GRIA1: variants seen among roughly 807,000 people sequenced by gnomAD.
The protein encoded by GRIA1 is glutamate receptor 1.
GRIA1 carries 31 observed loss-of-function variants against 99.2 expected under a neutral mutation model. The observed-to-expected ratio is 0.31, with a 90% CI of 0.23 to 0.42. The LOEUF is 0.42. GRIA1 is among the 10% of genes least tolerant of loss of function. The pLI is 1.00. For missense variants in GRIA1, 782 were observed against 1,157.5 expected, an observed-to-expected ratio of 0.68 and a Z score of 4.71; for synonymous variants, 438 against 432.4, an observed-to-expected ratio of 1.01 and a Z score of -0.16.
intron 13 of GRIA1, among the ~76,000 whole-genome samples, chr5:153,787,452 C>G (rs1366802150): frequency 6.6e-6 from 1 of 152,054 alleles, no homozygotes; most frequent in Non-Finnish European, 1.5e-5. Context: ...CCATCATCTC[C>G]CTTATGCTGA....
intron 2 of GRIA1, among the ~76,000 whole-genome samples, chr5:153,605,248 C>T (rs888753823): frequency 2.6e-5 from 4 of 151,890 alleles, no homozygotes; most frequent in African/African-American, 9.7e-5. Flanking sequence ...TTTCAATAAG[C>T]ATCCAGTATG....
At chr5:153,790,262 G>A (rs1384084260) in intron 13 of GRIA1, among the ~76,000 whole-genome samples, 2 of 152,188 alleles carry the variant, frequency 1.3e-5, no homozygotes, top group African/African-American at 4.8e-5. Context: ...TTTAGTCTTT[G>A]AGGTTCATCC....
At chr5:153,649,611 C>T (rs1443164945) in intron 3 of GRIA1, among the ~76,000 whole-genome samples, 2 of 152,054 alleles carry the variant, frequency 1.3e-5, no homozygotes, top group Non-Finnish European at 2.9e-5. Context: ...GTACCTGCCA[C>T]CATGCCTGGC....
In GRIA1 at chr5:153,490,877, G is replaced by A; in HGVS notation, c.-12G>A. 3.1e-6 allele frequency: 5 copies of A among 1,610,614 alleles called. No homozygotes were observed. Among genetic ancestry groups the A allele is most frequent in the Non-Finnish European group, 4.2e-6 (5 of 1,176,808 alleles). On this transcript the variant is annotated 5_prime_UTR_variant, in exon 1 of 16. It removes an upstream start codon present in the reference 5' UTR. Coordinates refer to ENST00000285900, the MANE Select transcript of GRIA1 (RefSeq NM_000827.4). ...GGACCTGGGCTTCTTTTTCGCCAAT[G>A]CAAAAAGGAATATGCAGCACATTTT...
At chr5:153,543,264 T>C (rs1156311205) in intron 2 of GRIA1, among the ~76,000 whole-genome samples, 2 of 152,100 alleles carry the variant, frequency 1.3e-5, no homozygotes, top group Non-Finnish European at 2.9e-5. Flanking sequence ...GTGGCAGTTG[T>C]GGTGGTGGTG....
chr5:153,660,718 T>C (rs1166929827), intron 5 of GRIA1, among the ~76,000 whole-genome samples: 1 of 152,208 alleles, frequency 6.6e-6, no homozygotes, highest in Non-Finnish European at 1.5e-5. Context: ...AAGCATTCAC[T>C]TGTTAGTGCC....
intron 2 of GRIA1, among the ~76,000 whole-genome samples, chr5:153,597,962 T>C (rs1463835693): frequency 6.6e-6 from 1 of 152,102 alleles, no homozygotes; most frequent in Non-Finnish European, 1.5e-5. Context: ...CAGTAAGCCA[T>C]GTTCATGCCA....
intron 13 of GRIA1, among the ~76,000 whole-genome samples, chr5:153,773,935 G>A (rs1764046828): frequency 6.6e-6 from 1 of 152,056 alleles, no homozygotes; most frequent in African/African-American, 2.4e-5. Flanking sequence ...TACCCTTAAT[G>A]GGATTCTGCT....
At chr5:153,627,241 T>C (rs1767716063) in intron 2 of GRIA1, among the ~76,000 whole-genome samples, 1 of 152,184 alleles carries the variant, frequency 6.6e-6, no homozygotes, top group African/African-American at 2.4e-5. Context: ...AAAAACACGT[T>C]TTACATGCAT....
intron 2 of GRIA1, among the ~76,000 whole-genome samples, chr5:153,645,411 C>T (rs1250655333): frequency 6.6e-6 from 1 of 152,118 alleles, no homozygotes; most frequent in Non-Finnish European, 1.5e-5. Flanking sequence ...CAATTAGGTA[C>T]CACTGGTTAA....
intron 2 of GRIA1, among the ~76,000 whole-genome samples, chr5:153,622,735 A>G (rs1326309006): frequency 6.6e-6 from 1 of 152,174 alleles, no homozygotes; most frequent in Non-Finnish European, 1.5e-5. Flanking sequence ...TTAATGGCTA[A>G]CCTTTTTTCA....
chr5:153,678,090 C>T (rs1756719887), intron 7 of GRIA1, among the ~76,000 whole-genome samples: 1 of 152,208 alleles, frequency 6.6e-6, no homozygotes, highest in Non-Finnish European at 1.5e-5. Context: ...ACAAATGTCC[C>T]TCAGGACCCA....
At chr5:153,726,233 T>A (rs1760516363) in intron 11 of GRIA1, among the ~76,000 whole-genome samples, 1 of 149,136 alleles carries the variant, frequency 6.7e-6, no homozygotes, top group Admixed American at 6.7e-5. Context: ...TGGGACGCAT[T>A]CAAAGCAGTG....
intron 2 of GRIA1, among the ~76,000 whole-genome samples, chr5:153,592,634 G>A (rs1203486984): frequency 6.6e-6 from 1 of 152,082 alleles, no homozygotes; most frequent in Non-Finnish European, 1.5e-5. Context: ...TTGGATTCCA[G>A]CTCTCATAGG....
chr5:153,493,727 C>T (rs1433719495), intron 1 of GRIA1, among the ~76,000 whole-genome samples: 1 of 152,060 alleles, frequency 6.6e-6, no homozygotes, highest in Non-Finnish European at 1.5e-5. Context: ...ATATTAGAGG[C>T]CCATGTCACA....
At chr5:153,773,724 C>A (rs1452680014) in intron 13 of GRIA1, among the ~76,000 whole-genome samples, 1 of 152,106 alleles carries the variant, frequency 6.6e-6, no homozygotes, top group Non-Finnish European at 1.5e-5. Flanking sequence ...CAACATGTTT[C>A]AAATACAGAT....
intron 11 of GRIA1, among the ~76,000 whole-genome samples, chr5:153,730,870 A>G (rs1396057209): frequency 6.6e-6 from 1 of 152,080 alleles, no homozygotes; most frequent in Non-Finnish European, 1.5e-5. Flanking sequence ...TCAGAATGCA[A>G]CTGCTCTGAT....
intron 2 of GRIA1, chr5:153,574,292 C>A (rs1333886979): frequency 2.0e-5 from 3 of 152,038 alleles, no homozygotes; most frequent in Non-Finnish European, 4.4e-5. Context: ...GTGGTTGTTT[C>A]TGTTGTTATT....
At chr5:153,733,987 C>T (rs1761215553) in intron 11 of GRIA1, among the ~76,000 whole-genome samples, 1 of 152,174 alleles carries the variant, frequency 6.6e-6, no homozygotes, top group South Asian at 2.1e-4. Flanking sequence ...TGGACTTGAA[C>T]TACACTTTAT....
Sources: allele counts gnomAD v4.1 joint callset (sites outside exome capture counted in the v4.1 genomes callset), GRCh38; gene constraint gnomAD v4.1.1; transcripts MANE v1.5; gene names NCBI Gene and HGNC (gene_info 2026-07-23, HGNC 2026-07-21).